MOGAT3: variants seen among roughly 807,000 people sequenced by gnomAD.
MOGAT3 encodes the protein 2-acylglycerol O-acyltransferase 3.
In MOGAT3, 39 loss-of-function variants were observed where a neutral mutation model predicts 34.4. The observed-to-expected ratio is 1.13, with a 90% confidence interval of 0.88 to 1.48. The LOEUF is 1.48. Among genes scored for constraint, MOGAT3 ranks in the 40% most tolerant of loss-of-function variants. The pLI is 0.00. For synonymous variants in MOGAT3, 209 were observed against 179.2 expected, an observed-to-expected ratio of 1.17 and a Z score of -1.33; for missense variants, 439 against 438.9, an observed-to-expected ratio of 1.00 and a Z score of 0.00.
At chr7:101,199,030 T>G (rs1346782775) in intron 3 of MOGAT3, among the ~76,000 whole-genome samples, 200 bp from the exon 4 acceptor site, 6 of 132,968 alleles carry the variant, frequency 4.5e-5, no homozygotes, top group African/African-American at 8.7e-5. Flanking sequence ...TGAGATGGAG[T>G]CTTGCTCTGT....
chr7:101,200,645 G>T (rs959826121), intron 1 of MOGAT3, 101 bp downstream of exon 1: 34 of 1,281,370 alleles, frequency 2.7e-5, no homozygotes, highest in Non-Finnish European at 3.3e-5. Flanking sequence ...CCAGTCACCT[G>T]GTCACTGTCC....
chr7:101,198,515 C>A, intron 4 of MOGAT3, 111 bp downstream of exon 4: 1 of 1,315,424 alleles, frequency 7.6e-7, no homozygotes, highest in Admixed American at 2.2e-5. Context: ...AGTGCTCAGG[C>A]TGGCCCCTGT....
Position 101,198,732 on chromosome 7 carries a change from G to C in MOGAT3, c.387C>G (p.Thr129=), listed in dbSNP as rs1466446282. 1.2e-6 allele frequency: 2 copies of C among 1,613,896 alleles called. No homozygotes were observed. Among genetic ancestry groups the C allele is most frequent in the Non-Finnish European group, 1.7e-6 (2 of 1,180,006 alleles). ...MCTGFLCNFS[T]ESNGFSQLFP... is the part of the protein sequence containing the mutation. Reference sequence around the variant, plus strand: ...AGAGCTGGGAGAAGCCATTGCTCTCGGTGGAGAAATTACAGAGGAAGCCTG... The same window carrying C: ...AGAGCTGGGAGAAGCCATTGCTCTCCGTGGAGAAATTACAGAGGAAGCCTG... The change falls in exon 4 of 7, where the codon ACC becomes ACG. Residue 129 remains threonine (T), a synonymous_variant. Transcript: ENST00000223114.
chr7:101,193,827 TA>T, downstream of MOGAT3, among the ~76,000 whole-genome samples: 1 of 152,130 alleles, frequency 6.6e-6, no homozygotes, highest in East Asian at 1.9e-4. Context: ...TTTCATGCAA[TA>T]AAGGGAAAAT....
At chr7:101,197,323 C>A (rs867217579) in intron 5 of MOGAT3, among the ~76,000 whole-genome samples, 7 of 152,046 alleles carry the variant, frequency 4.6e-5, no homozygotes, top group Non-Finnish European at 8.8e-5. Flanking sequence ...GCTGAAACTT[C>A]GGGCGTGCAC....
At chr7:101,193,300 C>G (rs1221737762), downstream of MOGAT3, among the ~76,000 whole-genome samples, 1 of 152,020 alleles carries the variant, frequency 6.6e-6, no homozygotes, top group African/African-American at 2.4e-5. Flanking sequence ...ATCTATTGGC[C>G]GGATTGTGAC....
intron 5 of MOGAT3, among the ~76,000 whole-genome samples, chr7:101,197,067 A>G (rs1029159545): frequency 6.6e-5 from 10 of 151,458 alleles, no homozygotes; most frequent in Admixed American, 4.6e-4. Context: ...AGAGGCTTGA[A>G]CTCGGGAGGT....
intron 4 of MOGAT3, 129 bp from the exon 5 acceptor site, chr7:101,198,494 C>CCCAGACTTGCAGTG: frequency 7.6e-7 from 1 of 1,308,596 alleles, no homozygotes; most frequent in Non-Finnish European, 1.0e-6. Context: ...ATGCTCACTG[C>CCCAGACTTGCAGTG]AAGTCTGGGC....
intron 3 of MOGAT3, 152 bp downstream of exon 3, chr7:101,200,082 T>G: frequency 1.5e-6 from 1 of 688,868 alleles, no homozygotes. Flanking sequence ...GACAGGAGAC[T>G]CAGTCTAAAA....
rs1797940761 is a variant in MOGAT3 at position 101,200,932 on chromosome 7, G to T, written c.-78C>A. The T allele has an allele frequency of 1.6e-6, 2 of 1,229,122 alleles. No individual in the cohort carries two copies. Among genetic ancestry groups the T allele is most frequent in the South Asian group, 2.8e-5 (2 of 70,962 alleles). The allele number at this position is 1,229,122 out of a possible 1,614,324, so 76.1% of individuals were successfully genotyped here. A position where few individuals can be genotyped will look rare whatever the true frequency, so the allele number is the denominator to read the frequency against. On this transcript the variant is annotated 5_prime_UTR_variant, in exon 1 of 7. The change creates a new upstream start codon in the 5' untranslated region. Transcript: ENST00000223114. Reference sequence around the variant, plus strand: ...GAAGGCTTGGATGTGGACCTGGGCAGACTTTCTCCCTACAGGAGCCCAGCT... The same window carrying T: ...GAAGGCTTGGATGTGGACCTGGGCATACTTTCTCCCTACAGGAGCCCAGCT...
chr7:101,198,103 C>G (rs1358014325), intron 5 of MOGAT3, 88 bp downstream of exon 5: 11 of 1,436,484 alleles, frequency 7.7e-6, no homozygotes, highest in Non-Finnish European at 9.3e-6. Context: ...GCACCCGGAT[C>G]CCCCATGCAG....
intron 4 of MOGAT3, 49 bp from the exon 5 acceptor site, chr7:101,198,414 C>A (rs111809654): frequency 3.3e-6 from 5 of 1,497,954 alleles, no homozygotes; most frequent in South Asian, 1.4e-5. Flanking sequence ...CTCCACGGCA[C>A]CCCCGCCCCT....
chr7:101,200,875 A>G lies in MOGAT3; in HGVS notation c.-21T>C. The G allele has an allele frequency of 4.4e-6, 7 of 1,593,422 alleles. No homozygotes were observed. The highest frequency in any genetic ancestry group is 1.3e-5 in the African/African-American group (1 of 74,726). On this transcript the variant is annotated 5_prime_UTR_variant, in exon 1 of 7. Transcript: ENST00000223114. ...CCCATTGCAGAAGCTCCCCTCTTCC[A>G]GCAGGATCCCAGAACCCGGAGGACA...
At chr7:101,193,190 A>C (rs898910491), downstream of MOGAT3, among the ~76,000 whole-genome samples, 1 of 151,700 alleles carries the variant, frequency 6.6e-6, no homozygotes, top group African/African-American at 2.4e-5. Flanking sequence ...CCTGGCCTCA[A>C]GCGATCCTCC....
In MOGAT3 at chr7:101,196,394, G is replaced by T; in HGVS notation, c.669-5C>A. ...TACACGGGCACCAGGGACGCCCTGG[G>T]AAGGAGCAAGAGAGAAGAGGGGGCT... On this transcript the variant is annotated splice_region_variant and splice_polypyrimidine_tract_variant and intron_variant, in intron 5 of 6. Coordinates refer to ENST00000223114, the MANE Select transcript of MOGAT3 (RefSeq NM_178176.4). The T allele has an allele frequency of 6.2e-7, 1 of 1,603,132 alleles. No homozygotes were observed. Among genetic ancestry groups the T allele is most frequent in the East Asian group, 2.2e-5 (1 of 44,836 alleles).
Position 101,200,906 on chromosome 7 carries a change from T to C in MOGAT3, c.-52A>G. The stretch of plus-strand genomic sequence containing the variant: ...ATCCCAGAACCCGGAGGACAAACGA[T>C]GAAGGCTTGGATGTGGACCTGGGCA... On this transcript the variant is annotated 5_prime_UTR_variant, in exon 1 of 7. Coordinates refer to ENST00000223114, the MANE Select transcript of MOGAT3 (RefSeq NM_178176.4). 3 of 1,479,892 alleles carry C rather than the reference T, an allele frequency of 2.0e-6. No individual in the cohort carries two copies. The highest frequency in any genetic ancestry group is 2.8e-6 in the Non-Finnish European group (3 of 1,075,314). The allele number at this position is 1,479,892 out of a possible 1,614,324, so 91.7% of individuals were successfully genotyped here.
At position 101,200,241 on chromosome 7, in the gene MOGAT3, G is replaced by A; in HGVS notation, c.281C>T (p.Pro94Leu). 1 of 1,613,914 alleles carries A rather than the reference G, an allele frequency of 6.2e-7. No homozygotes were observed. The highest frequency in any genetic ancestry group is 8.5e-7 in the Non-Finnish European group (1 of 1,179,886). Residue 94 changes from proline to leucine, a missense_variant, in exon 3 of 7, where the codon CCT (proline) becomes CTT (leucine). Coordinates refer to ENST00000223114, the MANE Select transcript of MOGAT3 (RefSeq NM_178176.4). Reference sequence around the variant, plus strand: ...TGCAGGGTGACCCATCACCTTGACAGGATAATAATCCCTTAGTTGTCTCCA... The same window carrying A: ...TGCAGGGTGACCCATCACCTTGACAAGATAATAATCCCTTAGTTGTCTCCA... ...AIWRQLRDYY[P>L]VKLVKTAELP...
chr7:101,198,562 C>A, intron 4 of MOGAT3, 64 bp downstream of exon 4: 1 of 1,514,276 alleles, frequency 6.6e-7, no homozygotes. Flanking sequence ...GGGGTGGTCC[C>A]AGAGGGGCTG....
rs756416325 is a variant in MOGAT3, at chr7:101,198,803, C to G, written c.316G>C (p.Asp106His). The change falls in exon 4 of 7, where the codon GAT (aspartate) becomes CAT (histidine). Residue 106 changes from aspartate to histidine, a missense_variant. By Grantham distance (81) the Asp-to-His change is moderately conservative. Transcript: ENST00000223114. The part of the protein sequence containing the change: ...KLVKTAELPP[D>H]RNYVLGAHPH... ...TGGGCGCCCAGCACGTAGTTCCGAT[C>G]CGGGGGCAGCTCTGCTGTTTTCACC... 1.9e-6 allele frequency: 3 copies of G among 1,613,936 alleles called. No homozygotes were observed. In the Admixed American group the frequency reaches 5.0e-5, roughly 27 times the overall value.
Sources: allele counts gnomAD v4.1 joint callset (sites outside exome capture counted in the v4.1 genomes callset), GRCh38; gene constraint gnomAD v4.1.1; transcripts MANE v1.5; gene names NCBI Gene and HGNC (gene_info 2026-07-23, HGNC 2026-07-21).